Variants in DAB1 observed in about 807,000 individuals in gnomAD.
DAB1 encodes the protein disabled homolog 1.
Under a neutral mutation model 64.6 loss-of-function variants are expected in DAB1, and 15 were observed. The ratio of observed to expected loss-of-function variants is 0.23; its 90% CI spans 0.16 to 0.36. DAB1 has a LOEUF of 0.36. Among genes scored for constraint, DAB1 ranks in the 10% least tolerant of loss-of-function variants. DAB1 has a pLI of 1.00. For synonymous variants in DAB1, 235 were observed against 251.9 expected (o/e 0.93, Z 0.64); for missense variants, 596 against 706.7 (o/e 0.84, Z 1.78).
chr1:57,573,695 C>G (rs1159358447), intron 7 of DAB1, among the ~76,000 whole-genome samples: 1 of 152,124 alleles, frequency 6.6e-6, no homozygotes, highest in Non-Finnish European at 1.5e-5. Flanking sequence ...GGCTACTGAG[C>G]CTCCGTATGG....
At chr1:58,299,378 G>C (rs1662068664) in intron 4 of DAB1, among the ~76,000 whole-genome samples, 1 of 152,092 alleles carries the variant, frequency 6.6e-6, no homozygotes, top group African/African-American at 2.4e-5. Flanking sequence ...CTTTCAATGA[G>C]GTGTGCAAGA....
chr1:58,337,156 C>A (rs981025940), intron 4 of DAB1, among the ~76,000 whole-genome samples: 1 of 151,902 alleles, frequency 6.6e-6, no homozygotes, highest in Non-Finnish European at 1.5e-5. Flanking sequence ...GCGATGCGGG[C>A]CTGTAATCCC....
At chr1:58,246,582 T>C (rs898232648) in intron 4 of DAB1, among the ~76,000 whole-genome samples, 22 of 152,160 alleles carry the variant, frequency 1.4e-4, no homozygotes, top group Non-Finnish European at 1.3e-4. Context: ...TGTAAGTGCA[T>C]AGATGTGAGT....
intron 1 of DAB1, among the ~76,000 whole-genome samples, chr1:57,342,516 T>C (rs1037037113): frequency 6.6e-6 from 1 of 152,194 alleles, no homozygotes; most frequent in Non-Finnish European, 1.5e-5. Flanking sequence ...AAGCAACAAC[T>C]CCCTATCTAA....
chr1:57,319,013 AC>A, intron 1 of DAB1, among the ~76,000 whole-genome samples: 1 of 151,944 alleles, frequency 6.6e-6, no homozygotes, highest in Non-Finnish European at 1.5e-5. Flanking sequence ...CCCTCTAACC[AC>A]TGAGGGTGAA....
At position 57,557,197 on chromosome 1, in the gene DAB1, C is replaced by T. The variant is rs1829986; in HGVS notation, n.625+92395G>A. 3.9e-5 allele frequency among the ~76,000 whole-genome samples: 6 copies of T among 152,028 alleles called. No individual in the cohort carries two copies. In the South Asian group the frequency reaches 6.2e-4, roughly 16 times the overall value. On this transcript the variant is annotated intron_variant and non_coding_transcript_variant, in intron 7 of 20. Transcript: ENST00000485760. ...ACAATCTGATCAACTGCCAGCATGG[C>T]TAGAATATAAGCAGGCAAAAATATG... is the stretch of plus-strand genomic sequence containing the variant.
chr1:57,437,459 CA>C (rs1199437809), intron 7 of DAB1, among the ~76,000 whole-genome samples: 1 of 152,094 alleles, frequency 6.6e-6, no homozygotes, highest in Non-Finnish European at 1.5e-5. Flanking sequence ...AATATGAATG[CA>C]AATTAACTTA....
intron 2 of DAB1, among the ~76,000 whole-genome samples, chr1:57,179,982 G>GA (rs1662739325): frequency 6.6e-6 from 1 of 151,932 alleles, no homozygotes; most frequent in Non-Finnish European, 1.5e-5. Flanking sequence ...TTTCCGGGAT[G>GA]AAAAAAAGGA....
intron 7 of DAB1, among the ~76,000 whole-genome samples, chr1:57,642,156 A>AGAAACAAT (rs1646138329): frequency 6.6e-6 from 1 of 152,174 alleles, no homozygotes; most frequent in South Asian, 2.1e-4. Flanking sequence ...AAAACAAACA[A>AGAAACAAT]GAAACAATGA....
intron 4 of DAB1, among the ~76,000 whole-genome samples, chr1:58,323,461 T>C (rs922991420): frequency 6.6e-6 from 1 of 151,888 alleles, no homozygotes; most frequent in Non-Finnish European, 1.5e-5. Context: ...ACCTGTGTAG[T>C]TGTAAGCTTT....
intron 7 of DAB1, among the ~76,000 whole-genome samples, chr1:57,580,724 G>A (rs1354426171): frequency 6.6e-6 from 1 of 152,112 alleles, no homozygotes; most frequent in Non-Finnish European, 1.5e-5. Flanking sequence ...TACTCGTCAC[G>A]GAGCAACAAT....
chr1:57,418,666 A>G lies in DAB1; in HGVS notation c.-137+5264T>C, dbSNP rs181624613. 2.5e-3 allele frequency among the ~76,000 whole-genome samples: 377 copies of G among 152,312 alleles called. 3 individuals are homozygous for G. The highest frequency in any genetic ancestry group is 4.2e-3 in the Admixed American group (64 of 15,292). ...ATTTTAGCTGTCATCTCTTCTATTCAGCAGAATTTTATTTATATTTTCCTT... is the reference window on the plus strand; with the variant it reads ...ATTTTAGCTGTCATCTCTTCTATTCGGCAGAATTTTATTTATATTTTCCTT... On this transcript the variant is annotated intron_variant, in intron 1 of 14. Coordinates refer to ENST00000371236, the MANE Select transcript of DAB1 (RefSeq NM_001365792.1).
intron 7 of DAB1, among the ~76,000 whole-genome samples, chr1:57,605,087 G>A (rs1645620537): frequency 6.6e-6 from 1 of 152,178 alleles, no homozygotes; most frequent in African/African-American, 2.4e-5. Context: ...CCACTCTGGG[G>A]AGATGATGTT....
intron 6 of DAB1, among the ~76,000 whole-genome samples, chr1:57,714,246 C>T (rs186878092): frequency 5.5e-4 from 83 of 152,158 alleles, no homozygotes; most frequent in Admixed American, 3.1e-3. Flanking sequence ...CATTTTATGA[C>T]GGGAAAACCA....
At chr1:58,067,552 G>A (rs573363270) in intron 5 of DAB1, among the ~76,000 whole-genome samples, 91 of 152,296 alleles carry the variant, frequency 6.0e-4, no homozygotes, top group African/African-American at 2.2e-3. Flanking sequence ...ATAATATTTT[G>A]TTAGGACCAT....
intron 5 of DAB1, among the ~76,000 whole-genome samples, chr1:57,975,798 G>T (rs928699251): frequency 7.2e-5 from 11 of 152,180 alleles, no homozygotes; most frequent in African/African-American, 2.4e-4. Flanking sequence ...AATTCACTTT[G>T]CTGGCTTCCA....
intron 4 of DAB1, among the ~76,000 whole-genome samples, chr1:57,099,607 A>G (rs1395120505): frequency 6.6e-6 from 1 of 152,372 alleles, no homozygotes; most frequent in East Asian, 1.9e-4. Flanking sequence ...GGAAATTCAT[A>G]TTAGTTGGCA....
chr1:57,783,615 T>C (rs1650210787), intron 6 of DAB1, among the ~76,000 whole-genome samples: 1 of 152,220 alleles, frequency 6.6e-6, no homozygotes, highest in South Asian at 2.1e-4. Flanking sequence ...TTTTTACAAA[T>C]TGAAGGTTTG....
intron 7 of DAB1, among the ~76,000 whole-genome samples, chr1:57,508,129 C>T (rs1034075482): frequency 6.6e-6 from 1 of 152,216 alleles, no homozygotes; most frequent in Admixed American, 6.5e-5. Context: ...GCCCTCCTCA[C>T]ATCCCGGGGG....
Sources: allele counts gnomAD v4.1 joint callset (sites outside exome capture counted in the v4.1 genomes callset), GRCh38; gene constraint gnomAD v4.1.1; transcripts MANE v1.5; gene names NCBI Gene and HGNC (gene_info 2026-07-23, HGNC 2026-07-21).